Variants in FKBP7 observed in about 807,000 individuals in gnomAD.
FKBP7 encodes peptidyl-prolyl cis-trans isomerase FKBP7.
A neutral mutation model predicts 24.3 loss-of-function variants in FKBP7; 24 were observed. The ratio of observed to expected loss-of-function variants is 0.99; its 90% CI spans 0.72 to 1.39. The LOEUF (loss-of-function observed/expected upper bound fraction) is 1.39. FKBP7 is among the 40% of genes most tolerant of loss of function. The pLI, the probability that FKBP7 is intolerant of heterozygous loss-of-function variation, is 0.00. For missense variants in FKBP7, 257 were observed against 269.5 expected (o/e 0.95, Z 0.33); for synonymous variants, 98 against 92.8 (o/e 1.06, Z -0.32).
intron 3 of FKBP7, among the ~76,000 whole-genome samples, chr2:178,468,581 C>T (rs781295649): frequency 6.0e-4 from 91 of 151,822 alleles, no homozygotes; most frequent in Non-Finnish European, 1.1e-3. Flanking sequence ...ATGATCACTT[C>T]ACTGCACCCT....
At chr2:178,471,962 T>C (rs1294064313) in intron 2 of FKBP7, among the ~76,000 whole-genome samples, 2 of 152,220 alleles carry the variant, frequency 1.3e-5, no homozygotes, top group East Asian at 1.9e-4. Context: ...GAGTCAATGA[T>C]TGTTTTATAA....
chr2:178,476,405 T>G (rs1685002047), intron 2 of FKBP7, among the ~76,000 whole-genome samples: 1 of 152,242 alleles, frequency 6.6e-6, no homozygotes, highest in South Asian at 2.1e-4. Context: ...TTCAAGTGTG[T>G]TGTTCAGTAA....
chr2:178,468,313 C>T (rs182676178), intron 3 of FKBP7, among the ~76,000 whole-genome samples: 4 of 152,094 alleles, frequency 2.6e-5, no homozygotes, highest in Admixed American at 1.3e-4. Context: ...AGACTTGAAA[C>T]ATTCATGATT....
At chr2:178,476,000 T>TCCTG (rs1684988716) in intron 2 of FKBP7, among the ~76,000 whole-genome samples, 1 of 152,246 alleles carries the variant, frequency 6.6e-6, no homozygotes, top group South Asian at 2.1e-4. Flanking sequence ...AATGTGCCCG[T>TCCTG]CCTGTCCTTT....
intron 2 of FKBP7, 58 bp from the exon 3 acceptor site, chr2:178,469,843 TC>T: frequency 1.4e-6 from 2 of 1,387,114 alleles, no homozygotes; most frequent in Non-Finnish European, 2.0e-6. Flanking sequence ...AAATATCTAT[TC>T]ATGAACTGCC....
chr2:178,465,237 A>G lies in FKBP7; in HGVS notation c.*533T>C, dbSNP rs1029706071. On this transcript the variant is annotated 3_prime_UTR_variant, in exon 4 of 4. Transcript: ENST00000424785. ...CTGTGTTGCGTTCTTTGTGGAACAG[A>G]GATATACAACTATCTTCCTGCACAT... The G allele has an allele frequency of 6.6e-6, 1 of 152,236 alleles. No individual in the cohort carries two copies. Among genetic ancestry groups the G allele is most frequent in the African/African-American group, 2.4e-5 (1 of 41,462 alleles). The allele number at this position is 152,236 out of a possible 1,614,324, so 9.4% of individuals were successfully genotyped here. A position where few individuals can be genotyped will look rare whatever the true frequency, so the allele number is the denominator to read the frequency against.
In FKBP7 at chr2:178,468,057, G is replaced by A. The variant is rs77627804; in HGVS notation, c.507+1595C>T. The stretch of plus-strand genomic sequence containing the variant: ...AAGGGAAAGTCATTACTAATATCCT[G>A]GTGTAAGAAGTTGAACTGGGTGGGG... On this transcript the variant is annotated intron_variant, in intron 3 of 3. Coordinates refer to ENST00000424785, the MANE Select transcript of FKBP7 (RefSeq NM_181342.3). Among the ~76,000 whole-genome samples the A allele has an allele frequency of 9.4e-3, 1,428 of 152,192 alleles. 29 individuals are homozygous for A. The highest frequency in any genetic ancestry group is 0.033 in the African/African-American group (1,349 of 41,506).
chr2:178,473,468 A>G (rs891008357), intron 2 of FKBP7, among the ~76,000 whole-genome samples: 5 of 152,212 alleles, frequency 3.3e-5, no homozygotes, highest in African/African-American at 9.7e-5. Flanking sequence ...TCAAACTTCT[A>G]TATCTCTGCA....
chr2:178,473,121 G>C (rs1389887792), intron 2 of FKBP7: 20 of 1,302,956 alleles, frequency 1.5e-5, no homozygotes, highest in Non-Finnish European at 2.0e-5. Flanking sequence ...TTTTGCAGAA[G>C]AAAGACTTCT....
In FKBP7 at chr2:178,478,544, C is replaced by A. The variant is rs1423344198; in HGVS notation, c.-45G>T. On this transcript the variant is annotated 5_prime_UTR_variant, in exon 1 of 4. Coordinates refer to ENST00000424785, the MANE Select transcript of FKBP7 (RefSeq NM_181342.3). Reference sequence around the variant, plus strand: ...CTCTCCCTCCCGCGTGTCACTCGCGCCCCGTGGATGTCCCGCGGCCGAGTT... The same window carrying A: ...CTCTCCCTCCCGCGTGTCACTCGCGACCCGTGGATGTCCCGCGGCCGAGTT... 3 of 1,607,062 alleles carry A rather than the reference C, an allele frequency of 1.9e-6. No homozygotes were observed. The highest frequency in any genetic ancestry group is 1.7e-4 in the Middle Eastern group (1 of 6,058).
In FKBP7 at chr2:178,478,543, G is replaced by A. The variant is rs1248929260; in HGVS notation, c.-44C>T. On this transcript the variant is annotated 5_prime_UTR_variant, in exon 1 of 4. Coordinates refer to ENST00000424785, the MANE Select transcript of FKBP7 (RefSeq NM_181342.3). ...GCTCTCCCTCCCGCGTGTCACTCGCGCCCCGTGGATGTCCCGCGGCCGAGT... is the reference window on the plus strand; with the variant it reads ...GCTCTCCCTCCCGCGTGTCACTCGCACCCCGTGGATGTCCCGCGGCCGAGT... 2.5e-6 allele frequency: 4 copies of A among 1,607,166 alleles called. No homozygotes were observed. Among genetic ancestry groups the A allele is most frequent in the Admixed American group, 1.7e-5 (1 of 59,384 alleles).
At chr2:178,471,512 C>T (rs1367841750) in intron 2 of FKBP7, among the ~76,000 whole-genome samples, 1 of 152,164 alleles carries the variant, frequency 6.6e-6, no homozygotes, top group African/African-American at 2.4e-5. Context: ...CGTGCCAGGC[C>T]ATGATGTCAC....
intron 2 of FKBP7, among the ~76,000 whole-genome samples, chr2:178,472,810 C>G (rs1291444799): frequency 2.1e-5 from 3 of 144,586 alleles, no homozygotes; most frequent in Non-Finnish European, 4.5e-5. Flanking sequence ...ATCAATCACA[C>G]CACTGCGCTC....
At position 178,478,413 on chromosome 2, in the gene FKBP7, C is replaced by T. The variant is rs1559379830; in HGVS notation, c.87G>A (p.Glu29=). The change falls in exon 1 of 4, where the codon GAG becomes GAA. Residue 29 remains glutamate, a synonymous_variant. Coordinates refer to ENST00000424785, the MANE Select transcript of FKBP7 (RefSeq NM_181342.3). Reference sequence around the variant, plus strand: ...CTATTTTCACTTCTTCGGTGCTCTCCTCTTTCTTTTGTCTCTGAGCAGTAA... The same window carrying T: ...CTATTTTCACTTCTTCGGTGCTCTCTTCTTTCTTTTGTCTCTGAGCAGTAA... ...GLFTAQRQKK[E]ESTEEVKIEV... is the part of the protein sequence containing the mutation. 1.2e-6 allele frequency: 2 copies of T among 1,614,228 alleles called. No homozygotes were observed. Among genetic ancestry groups the T allele is most frequent in the Admixed American group, 1.7e-5 (1 of 60,032 alleles).
chr2:178,468,747 A>T (rs900809635), intron 3 of FKBP7, among the ~76,000 whole-genome samples: 2 of 152,190 alleles, frequency 1.3e-5, no homozygotes, highest in African/African-American at 2.4e-5. Context: ...TCTAAAAGCG[A>T]AGATGATGAC....
intron 2 of FKBP7, among the ~76,000 whole-genome samples, chr2:178,472,099 A>G (rs1001721802): frequency 3.3e-5 from 5 of 149,368 alleles, no homozygotes; most frequent in African/African-American, 1.2e-4. Context: ...TTTTTGAGAC[A>G]GAATCTGTTC....
intron 3 of FKBP7, among the ~76,000 whole-genome samples, chr2:178,467,632 G>A (rs1217616041): frequency 1.3e-5 from 2 of 152,176 alleles, no homozygotes; most frequent in Non-Finnish European, 2.9e-5. Flanking sequence ...TGTTATTCAA[G>A]TTAGTGAAAA....
chr2:178,470,688 C>G (rs937114271), intron 2 of FKBP7, among the ~76,000 whole-genome samples: 2 of 151,644 alleles, frequency 1.3e-5, no homozygotes, highest in Non-Finnish European at 2.9e-5. Flanking sequence ...GTGGCTCACA[C>G]GTGTAATTCT....
chr2:178,467,681 CAT>C (rs1451061720), intron 3 of FKBP7: 3 of 152,224 alleles, frequency 2.0e-5, no homozygotes, highest in African/African-American at 7.2e-5. Context: ...GCTGATATCA[CAT>C]AGACATCTGG....
Sources: allele counts gnomAD v4.1 joint callset (sites outside exome capture counted in the v4.1 genomes callset), GRCh38; gene constraint gnomAD v4.1.1; transcripts MANE v1.5; gene names NCBI Gene and HGNC (gene_info 2026-07-23, HGNC 2026-07-21).